Variants in PATJ observed in about 807,000 individuals in gnomAD.
The protein encoded by PATJ is inaD-like protein.
In PATJ, 190 loss-of-function variants were observed where a neutral mutation model predicts 224.9. That is an observed-to-expected ratio of 0.84 (90% confidence interval 0.75 to 0.95). The LOEUF (loss-of-function observed/expected upper bound fraction) is 0.95. PATJ is among the 40% of genes least tolerant of loss of function. PATJ has a pLI of 0.00. For missense variants in PATJ, 2,121 were observed against 2,270.3 expected (o/e 0.93, Z 1.34); for synonymous variants, 769 against 820.3 (o/e 0.94, Z 1.07).
chr1:62,067,365 G>T (rs1027613194), intron 31 of PATJ, among the ~76,000 whole-genome samples: 2 of 151,704 alleles, frequency 1.3e-5, no homozygotes, highest in African/African-American at 4.8e-5. Context: ...CTGACCTTGT[G>T]ATCCACCCAC....
chr1:62,092,438 T>C (rs1660865251), intron 33 of PATJ, among the ~76,000 whole-genome samples: 1 of 151,846 alleles, frequency 6.6e-6, no homozygotes, highest in Non-Finnish European at 1.5e-5. Flanking sequence ...ATATTCTTAA[T>C]GATAAAAAGT....
intron 21 of PATJ, among the ~76,000 whole-genome samples, chr1:61,878,154 T>C (rs1398486492): frequency 6.6e-6 from 1 of 152,192 alleles, no homozygotes; most frequent in East Asian, 1.9e-4. Context: ...GGATGGGACA[T>C]AGAGAACCAG....
chr1:62,159,916 T>C (rs975966840), intron 43 of PATJ, among the ~76,000 whole-genome samples: 9 of 152,114 alleles, frequency 5.9e-5, no homozygotes, highest in Non-Finnish European at 1.2e-4. Context: ...ACCTGTCTGA[T>C]TCCCCAGCAC....
chr1:61,797,092 C>G (rs1219658715), intron 10 of PATJ, among the ~76,000 whole-genome samples, 195 bp from the exon 11 acceptor site: 2 of 152,216 alleles, frequency 1.3e-5, no homozygotes, highest in Non-Finnish European at 2.9e-5. Context: ...GTCTCGAACT[C>G]CTGACCTCAG....
chr1:61,949,709 C>T lies in PATJ; in HGVS notation c.3670+21880C>T, dbSNP rs2498959. 3.5e-3 allele frequency among the ~76,000 whole-genome samples: 532 copies of T among 151,706 alleles called. 3 individuals are homozygous for T. The highest frequency in any genetic ancestry group is 0.012 in the African/African-American group (501 of 41,328). On this transcript the variant is annotated intron_variant, in intron 27 of 43. Coordinates refer to ENST00000642238, the MANE Select transcript of PATJ (RefSeq NM_001350145.3). ...ATCACTTGAGGTTAAGAGTTCGAGA[C>T]CAGCCCGCTCAACATGGTGAAACCC...
intron 41 of PATJ, among the ~76,000 whole-genome samples, chr1:62,138,760 C>T (rs906859828): frequency 6.6e-6 from 1 of 152,178 alleles, no homozygotes; most frequent in Admixed American, 6.5e-5. Context: ...AAATGCAAGA[C>T]CACAGCTGCA....
At chr1:62,154,406 C>T (rs1558244174) in intron 43 of PATJ, among the ~76,000 whole-genome samples, 1 of 151,870 alleles carries the variant, frequency 6.6e-6, no homozygotes, top group Non-Finnish European at 1.5e-5. Flanking sequence ...TAGTGGCTCA[C>T]GTCTGTAATC....
rs764694041 is a variant in PATJ at position 62,116,611 on chromosome 1, C to A, written c.4735C>A (p.Gln1579Lys). ...DLDGRLIQGD[Q>K]ILSVNGEDMR... ...GGATGGGAGATTGATTCAGGGAGAT[C>A]AGATCTTATCTGTGAATGGGGAGGA... is the stretch of plus-strand genomic sequence containing the variant. Residue 1579 changes from glutamine (Q) to lysine (K), a missense_variant, in exon 36 of 44, where the codon CAG becomes AAG. Gln to Lys is a moderately conservative substitution (Grantham distance 53, BLOSUM62 1). Coordinates refer to ENST00000642238, the MANE Select transcript of PATJ (RefSeq NM_001350145.3). The A allele has an allele frequency of 1.2e-6, 2 of 1,613,990 alleles. No homozygotes were observed. The highest frequency in any genetic ancestry group is 1.7e-6 in the Non-Finnish European group (2 of 1,179,940).
intron 25 of PATJ, among the ~76,000 whole-genome samples, chr1:61,908,956 A>G (rs1032988042): frequency 6.6e-6 from 1 of 152,212 alleles, no homozygotes; most frequent in African/African-American, 2.4e-5. Flanking sequence ...ATGTAAAAAC[A>G]GCAATATTTA....
Position 61,945,279 on chromosome 1 carries a change from A to G in PATJ, c.3670+17450A>G, listed in dbSNP as rs183282314. On this transcript the variant is annotated intron_variant, in intron 27 of 43. Transcript: ENST00000642238. ...ATGCTCCAATTAAAAGACACAGACT[A>G]GCAAATTGGATAAAGAGTCAAGACC... Among the ~76,000 whole-genome samples, 251 of 152,302 alleles carry G rather than the reference A, an allele frequency of 1.6e-3. 1 individual carries two copies. The highest frequency in any genetic ancestry group is 5.7e-3 in the African/African-American group (236 of 41,576).
At chr1:61,822,741 G>A (rs543112939) in intron 14 of PATJ, among the ~76,000 whole-genome samples, 3 of 152,116 alleles carry the variant, frequency 2.0e-5, no homozygotes, top group African/African-American at 7.2e-5. Context: ...CAGGGAATCC[G>A]GAAGGAAAAG....
At chr1:62,160,535 C>T (rs1045922458) in intron 43 of PATJ, among the ~76,000 whole-genome samples, 2 of 152,146 alleles carry the variant, frequency 1.3e-5, no homozygotes, top group African/African-American at 4.8e-5. Context: ...GTAAGACTAA[C>T]ACCAGATTCA....
intron 25 of PATJ, among the ~76,000 whole-genome samples, chr1:61,911,371 G>A (rs924457472): frequency 2.6e-5 from 4 of 151,836 alleles, no homozygotes; most frequent in Admixed American, 1.3e-4. Flanking sequence ...ATGCCACCAC[G>A]CTCAGCTAAT....
chr1:62,140,678 A>G (rs944680501), intron 41 of PATJ, among the ~76,000 whole-genome samples: 1 of 151,972 alleles, frequency 6.6e-6, no homozygotes, highest in Non-Finnish European at 1.5e-5. Context: ...TTTTTACCCA[A>G]ATAAAACTAT....
intron 17 of PATJ, among the ~76,000 whole-genome samples, chr1:61,850,708 T>C (rs1354071496): frequency 2.6e-5 from 4 of 152,252 alleles, no homozygotes; most frequent in Admixed American, 2.0e-4. Flanking sequence ...CTGGCTGGCT[T>C]AATTTCTGGC....
intron 29 of PATJ, among the ~76,000 whole-genome samples, chr1:62,019,006 A>T (rs1646928427): frequency 2.0e-5 from 3 of 152,096 alleles, no homozygotes; most frequent in Admixed American, 1.3e-4. Flanking sequence ...GCACTTTGGG[A>T]GGATCACCTG....
intron 17 of PATJ, among the ~76,000 whole-genome samples, chr1:61,839,370 C>T (rs1392979180): frequency 6.6e-6 from 1 of 151,708 alleles, no homozygotes; most frequent in South Asian, 2.1e-4. Context: ...ATATAGTGTG[C>T]TCATATGCAT....
At chr1:61,771,697 T>C (rs1318163880) in intron 6 of PATJ, 71 bp downstream of exon 6, 16 of 1,129,338 alleles carry the variant, frequency 1.4e-5, no homozygotes, top group Non-Finnish European at 1.9e-5. Context: ...TAAAGACATT[T>C]AGAAGGTGTC....
chr1:62,123,625 C>G (rs989212918), intron 39 of PATJ, among the ~76,000 whole-genome samples: 1 of 151,092 alleles, frequency 6.6e-6, no homozygotes, highest in Admixed American at 6.6e-5. Context: ...CTACAGGCGC[C>G]TGCCACCACG....
Sources: allele counts gnomAD v4.1 joint callset (sites outside exome capture counted in the v4.1 genomes callset), GRCh38; gene constraint gnomAD v4.1.1; transcripts MANE v1.5; gene names NCBI Gene and HGNC (gene_info 2026-07-23, HGNC 2026-07-21).